PHTF1: variants seen among roughly 807,000 people sequenced by gnomAD.
PHTF1 encodes protein PHTF1.
PHTF1 carries 88 observed loss-of-function variants against 102.4 expected under a neutral mutation model. The ratio of observed to expected loss-of-function variants is 0.86; its 90% confidence interval spans 0.72 to 1.03. The LOEUF is 1.03. PHTF1 is among the 50% of genes least tolerant of loss of function. The pLI, the probability that PHTF1 is intolerant of heterozygous loss-of-function variation, is 0.00. For synonymous variants in PHTF1, 289 were observed against 305.2 expected, an observed-to-expected ratio of 0.95 and a Z score of 0.55; for missense variants, 814 against 909.5, an observed-to-expected ratio of 0.89 and a Z score of 1.35.
chr1:113,721,261 T>A (rs1396432561), intron 7 of PHTF1, among the ~76,000 whole-genome samples: 1 of 152,184 alleles, frequency 6.6e-6, no homozygotes, highest in Non-Finnish European at 1.5e-5. Context: ...AACCATATAA[T>A]CATTTCAAAT....
At chr1:113,745,685 G>T (rs539358677) in intron 3 of PHTF1, among the ~76,000 whole-genome samples, 1 of 152,126 alleles carries the variant, frequency 6.6e-6, no homozygotes, top group African/African-American at 2.4e-5. Flanking sequence ...TCTCACAGGA[G>T]TGCAAACCCC....
chr1:113,740,195 G>A (rs188325248), intron 3 of PHTF1, among the ~76,000 whole-genome samples: 87 of 152,252 alleles, frequency 5.7e-4, no homozygotes, highest in African/African-American at 2.0e-3. Flanking sequence ...CATACCACCA[G>A]TGTATAAGAA....
In PHTF1 at chr1:113,759,043, G is replaced by A. The variant is rs1398080090; in HGVS notation, c.-51C>T. The A allele has an allele frequency of 2.0e-6, 2 of 1,016,042 alleles. No individual in the cohort carries two copies. The highest frequency in any genetic ancestry group is 3.4e-5 in the African/African-American group (2 of 58,436). The allele number at this position is 1,016,042 out of a possible 1,614,324, so 62.9% of individuals were successfully genotyped here. A position where few individuals can be genotyped will look rare whatever the true frequency, so the allele number is the denominator to read the frequency against. On this transcript the variant is annotated 5_prime_UTR_variant, in exon 1 of 19. Transcript: ENST00000369604. ...CTCACCTAGTGCCCGTTGCCCCGCG[G>A]GCCGGCGCCCGGGACCTCCGTCCTC...
rs372900106 is a variant in PHTF1, at chr1:113,724,814, T to C, written c.568A>G (p.Thr190Ala). Reference sequence around the variant, plus strand: ...CCAATAATGGGTACAGATTCCAAAGTTTCTATTCCTCTGACTTTATCAGAG... The same window carrying C: ...CCAATAATGGGTACAGATTCCAAAGCTTCTATTCCTCTGACTTTATCAGAG... Reference protein sequence around the residue: ...NSSDKVRGIETLESVPIIGGF... With the variant: ...NSSDKVRGIEALESVPIIGGF... The change falls in exon 7 of 19, where the codon ACT becomes GCT. Residue 190 changes from threonine (T) to alanine (A), a missense_variant. Thr to Ala is a moderately conservative substitution (Grantham distance 58). Transcript: ENST00000369604. 9.8e-5 allele frequency: 158 copies of C among 1,611,700 alleles called. No individual in the cohort carries two copies. Among genetic ancestry groups the C allele is most frequent in the Non-Finnish European group, 1.3e-4 (156 of 1,178,650 alleles).
chr1:113,708,085 A>G (rs1650489404), intron 11 of PHTF1, among the ~76,000 whole-genome samples: 1 of 152,234 alleles, frequency 6.6e-6, no homozygotes, highest in Non-Finnish European at 1.5e-5. Context: ...ATAAAGGAAC[A>G]GAAGCAAGCA....
chr1:113,715,739 T>G (rs1229641578), intron 7 of PHTF1, among the ~76,000 whole-genome samples: 1 of 131,110 alleles, frequency 7.6e-6, no homozygotes. Context: ...CAGAATCCTA[T>G]CAGATAAATT....
At chr1:113,710,191 G>T in intron 11 of PHTF1, 63 bp downstream of exon 11, 1 of 1,164,796 alleles carries the variant, frequency 8.6e-7, no homozygotes, top group Non-Finnish European at 1.3e-6. Flanking sequence ...TGAGATGACA[G>T]AGTGCCTGAC....
At chr1:113,722,959 T>TAAATAA (rs1553228501) in intron 7 of PHTF1, among the ~76,000 whole-genome samples, 5 of 145,280 alleles carry the variant, frequency 3.4e-5, no homozygotes, top group Admixed American at 1.4e-4. Context: ...AATAAATAAA[T>TAAATAA]AAATAAAAAT....
chr1:113,736,297 G>A (rs1244892245), intron 5 of PHTF1, among the ~76,000 whole-genome samples: 5 of 148,592 alleles, frequency 3.4e-5, no homozygotes, highest in East Asian at 2.0e-4. Flanking sequence ...AGCCAAGATC[G>A]CGCCACTGCA....
chr1:113,721,691 T>C (rs759178805), intron 7 of PHTF1, among the ~76,000 whole-genome samples: 3 of 152,076 alleles, frequency 2.0e-5, no homozygotes, highest in Non-Finnish European at 4.4e-5. Flanking sequence ...TAAAAATCAA[T>C]AGCATTTCTT....
chr1:113,720,103 C>T (rs762672224), intron 7 of PHTF1, among the ~76,000 whole-genome samples: 2 of 152,206 alleles, frequency 1.3e-5, no homozygotes, highest in African/African-American at 2.4e-5. Flanking sequence ...CTGGGAGATA[C>T]AATTCAAGTT....
intron 7 of PHTF1, among the ~76,000 whole-genome samples, chr1:113,718,271 C>T (rs1275142880): frequency 6.6e-6 from 1 of 152,198 alleles, no homozygotes; most frequent in African/African-American, 2.4e-5. Context: ...TCTCACACAT[C>T]CAGGTCACGC....
intron 5 of PHTF1, among the ~76,000 whole-genome samples, chr1:113,732,750 A>T (rs963749904): frequency 2.0e-5 from 3 of 152,228 alleles, no homozygotes; most frequent in African/African-American, 7.2e-5. Flanking sequence ...TATAGGATGC[A>T]GTATCTATCA....
intron 5 of PHTF1, among the ~76,000 whole-genome samples, chr1:113,732,534 A>G (rs900720489): frequency 6.6e-6 from 1 of 152,184 alleles, no homozygotes; most frequent in African/African-American, 2.4e-5. Context: ...ATGTTAATCC[A>G]TATTAAACAG....
chr1:113,745,685 G>A (rs539358677), intron 3 of PHTF1, among the ~76,000 whole-genome samples: 5 of 152,244 alleles, frequency 3.3e-5, no homozygotes, highest in Non-Finnish European at 5.9e-5. Flanking sequence ...TCTCACAGGA[G>A]TGCAAACCCC....
At chr1:113,713,520 T>C in intron 7 of PHTF1, 82 bp from the exon 8 acceptor site, 1 of 711,704 alleles carries the variant, frequency 1.4e-6, no homozygotes. Flanking sequence ...AGGAATACGC[T>C]ATATTATTCT....
intron 3 of PHTF1, among the ~76,000 whole-genome samples, chr1:113,755,521 A>G (rs1658717753): frequency 6.6e-6 from 1 of 152,190 alleles, no homozygotes; most frequent in Non-Finnish European, 1.5e-5. Flanking sequence ...ATTTAAAAGC[A>G]TACATTAAGG....
At chr1:113,730,502 AT>A (rs375115293) in intron 5 of PHTF1, among the ~76,000 whole-genome samples, 60 of 152,350 alleles carry the variant, frequency 3.9e-4, no homozygotes, top group African/African-American at 1.4e-3. Flanking sequence ...AATGAAATGT[AT>A]GTGAAAGGAG....
rs770939782 is a variant in PHTF1, at chr1:113,706,209, G to A, written c.1399-47C>T. 9 of 1,481,796 alleles carry A rather than the reference G, an allele frequency of 6.1e-6. No homozygotes were observed. In the Admixed American group the frequency reaches 8.0e-5, roughly 13 times the overall value. The allele number at this position is 1,481,796 out of a possible 1,614,324, so 91.8% of individuals were successfully genotyped here. A position where few individuals can be genotyped will look rare whatever the true frequency, so the allele number is the denominator to read the frequency against. On this transcript the variant is annotated intron_variant, in intron 12 of 18. Coordinates refer to ENST00000369604, the MANE Select transcript of PHTF1 (RefSeq NM_001323043.2). ...CCACCATTATTGTGTTAGCTAAATGGAGTTACAAAGCAGTATTTATCAAAC... is the reference window on the plus strand; with the variant it reads ...CCACCATTATTGTGTTAGCTAAATGAAGTTACAAAGCAGTATTTATCAAAC...
Sources: gnomAD v4.1 joint callset for allele counts (sites outside exome capture counted in the v4.1 genomes callset) on GRCh38, gnomAD v4.1.1 for gene constraint, MANE v1.5 for transcripts, NCBI Gene and HGNC (gene_info 2026-07-23, HGNC 2026-07-21) for gene names.